Variants in ECPAS observed in about 807,000 individuals in gnomAD.
ECPAS encodes proteasome adapter and scaffold protein ECM29.
Under a neutral mutation model 255.1 loss-of-function variants are expected in ECPAS, and 70 were observed. The observed-to-expected ratio is 0.27, with a 90% CI of 0.23 to 0.33. ECPAS has a LOEUF of 0.33. ECPAS is among the 10% of genes least tolerant of loss of function. The pLI, the probability that ECPAS is intolerant of heterozygous loss-of-function variation, is 1.00. For missense variants in ECPAS, 1,817 were observed against 2,206.4 expected, an observed-to-expected ratio of 0.82 and a Z score of 3.54; for synonymous variants, 784 against 775.0, an observed-to-expected ratio of 1.01 and a Z score of -0.19.
At position 111,411,863 on chromosome 9, in the gene ECPAS, T is replaced by C. The variant is rs1564526763; in HGVS notation, c.2214+151A>G. On this transcript the variant is annotated intron_variant, in intron 21 of 49. Coordinates refer to ENST00000684092, the MANE Select transcript of ECPAS (RefSeq NM_001364929.1). ...CTGTTAAGTGAGCTGACTGAACCAA[T>C]GTATCACCTATCTCATTTACTCTTT... 4 of 627,960 alleles carry C rather than the reference T, an allele frequency of 6.4e-6. No individual in the cohort carries two copies. The East Asian group carries it at 9.5e-5, about 15-fold the overall frequency. 38.9% of individuals were successfully genotyped at this position (627,960 alleles called of 1,614,324 possible).
chr9:111,389,623 T>A lies in ECPAS; in HGVS notation c.3380A>T (p.Asp1127Val). 6.2e-7 allele frequency: 1 copy of A among 1,613,814 alleles called. No homozygotes were observed. Among genetic ancestry groups the A allele is most frequent in the Non-Finnish European group, 8.5e-7 (1 of 1,179,840 alleles). Residue 1127 changes from aspartate (D) to valine (V), a missense_variant, in exon 31 of 50, where the codon GAT becomes GTT. Asp to Val is a radical substitution (Grantham distance 152). Around this residue, in one of 4 missense-constraint regions of ECPAS, gnomAD observed 960 missense variants for 1,179.0 expected, o/e 0.81. Transcript: ENST00000684092. Reference sequence around the variant, plus strand: ...GGCCTGTCGAATGCCAAGGTTGGGATCAAACTGGTAACGATAAAGTCGAGG... The same window carrying A: ...GGCCTGTCGAATGCCAAGGTTGGGAACAAACTGGTAACGATAAAGTCGAGG... ...LVPRLYRYQF[D>V]PNLGIRQAMT... is the part of the protein sequence containing the mutation.
intron 2 of ECPAS, among the ~76,000 whole-genome samples, chr9:111,470,789 G>C (rs902724101): frequency 1.4e-5 from 1 of 73,116 alleles, no homozygotes; most frequent in African/African-American, 5.5e-5. Context: ...CACACACACA[G>C]AGGAAGGGGA....
chr9:111,463,418 C>A (rs977482012), intron 2 of ECPAS, among the ~76,000 whole-genome samples: 1 of 152,130 alleles, frequency 6.6e-6, no homozygotes, highest in African/African-American at 2.4e-5. Context: ...AAGCCCCCAA[C>A]AGTCAAACAT....
intron 2 of ECPAS, among the ~76,000 whole-genome samples, chr9:111,461,892 A>C (rs2098273617): frequency 1.3e-5 from 2 of 152,192 alleles, no homozygotes; most frequent in Admixed American, 1.3e-4. Flanking sequence ...GACAGCTTGT[A>C]CAGGCAAACT....
In ECPAS at chr9:111,363,330, C is replaced by T. The variant is rs3780521; in HGVS notation, c.5380+258G>A. Among the ~76,000 whole-genome samples the T allele has an allele frequency of 1.8e-4, 28 of 152,088 alleles. No homozygotes were observed. The East Asian group carries it at 4.4e-3, about 24-fold the overall frequency. On this transcript the variant is annotated intron_variant, in intron 49 of 49. Coordinates refer to ENST00000684092, the MANE Select transcript of ECPAS (RefSeq NM_001364929.1). ...TTAACCAAGATTAAATCAGGATTCA[C>T]GATGAAAACAAAAACTTTATTACTT...
intron 39 of ECPAS, among the ~76,000 whole-genome samples, chr9:111,373,742 T>TTA (rs1350071868): frequency 6.6e-6 from 1 of 152,178 alleles, no homozygotes; most frequent in Non-Finnish European, 1.5e-5. Flanking sequence ...TTTTACCTCC[T>TTA]TATACCACTA....
chr9:111,383,409 T>C, intron 34 of ECPAS, 77 bp from the exon 35 acceptor site: 9 of 1,496,276 alleles, frequency 6.0e-6, no homozygotes, highest in Non-Finnish European at 8.1e-6. Flanking sequence ...AAAGACTTTC[T>C]ACTTCACATA....
chr9:111,458,588 G>A (rs1008658299), intron 2 of ECPAS, among the ~76,000 whole-genome samples: 3 of 145,560 alleles, frequency 2.1e-5, no homozygotes, highest in African/African-American at 7.5e-5. Flanking sequence ...CATCTTGCAG[G>A]TTTTCAGCCA....
Position 111,408,635 on chromosome 9 carries a change from G to A in ECPAS, c.2588C>T (p.Pro863Leu). 1 of 1,593,500 alleles carries A rather than the reference G, an allele frequency of 6.3e-7. No individual in the cohort carries two copies. Among genetic ancestry groups the A allele is most frequent in the South Asian group, 1.2e-5 (1 of 86,868 alleles). The part of the protein sequence containing the change: ...ERAIQTLGYF[P>L]VGDGDFPHQK... ...GTGAGGAAAATCTCCATCCCCAACT[G>A]GAAAATATCCCAGTGTTTGGATTGC... The change falls in exon 24 of 50, where the codon CCA becomes CTA. Residue 863 changes from proline to leucine, a missense_variant. Around this residue, in one of 4 missense-constraint regions of ECPAS, gnomAD observed 960 missense variants for 1,179.0 expected, o/e 0.81. Coordinates refer to ENST00000684092, the MANE Select transcript of ECPAS (RefSeq NM_001364929.1).
At chr9:111,396,763 G>C (rs2098168240) in intron 25 of ECPAS, among the ~76,000 whole-genome samples, 1 of 152,038 alleles carries the variant, frequency 6.6e-6, no homozygotes, top group Non-Finnish European at 1.5e-5. Flanking sequence ...TGTTAGCCAG[G>C]CTGGTCTCTA....
intron 2 of ECPAS, among the ~76,000 whole-genome samples, chr9:111,459,031 G>A (rs563078886): frequency 6.6e-6 from 1 of 152,232 alleles, no homozygotes; most frequent in East Asian, 1.9e-4. Flanking sequence ...GGTGGCTCTG[G>A]GATAACAGGA....
At chr9:111,477,502 C>G (rs1468134372) in intron 1 of ECPAS, among the ~76,000 whole-genome samples, 1 of 152,076 alleles carries the variant, frequency 6.6e-6, no homozygotes, top group East Asian at 1.9e-4. Context: ...AGAAGGTTCT[C>G]TCTGGATACT....
At chr9:111,393,346 G>A (rs2098163024) in intron 27 of ECPAS, among the ~76,000 whole-genome samples, 1 of 152,156 alleles carries the variant, frequency 6.6e-6, no homozygotes, top group Non-Finnish European at 1.5e-5. Context: ...GCTTAAATCA[G>A]AGAGGAAAAG....
intron 1 of ECPAS, 183 bp downstream of exon 1, chr9:111,483,933 G>A: frequency 1.2e-6 from 1 of 828,830 alleles, no homozygotes; most frequent in Non-Finnish European, 1.5e-6. Flanking sequence ...CCCCCCGCCG[G>A]GCCCCTCGCG....
At chr9:111,441,337 C>T (rs2098245744) in intron 5 of ECPAS, among the ~76,000 whole-genome samples, 1 of 151,954 alleles carries the variant, frequency 6.6e-6, no homozygotes, top group Admixed American at 6.6e-5. Context: ...AACCCCATCT[C>T]TTCTAAAAAT....
At position 111,383,411 on chromosome 9, in the gene ECPAS, C is replaced by T. The variant is rs145315544; in HGVS notation, c.3682-79G>A. The stretch of plus-strand genomic sequence containing the variant: ...AATTCATCTGACAAAAGACTTTCTA[C>T]TTCACATATCTACAGGGAAGAATAA... On this transcript the variant is annotated intron_variant, in intron 34 of 49. Coordinates refer to ENST00000684092, the MANE Select transcript of ECPAS (RefSeq NM_001364929.1). The T allele has an allele frequency of 1.7e-4, 252 of 1,487,666 alleles. 2 individuals carry two copies. In the East Asian group the frequency reaches 5.9e-3, roughly 35 times the overall value. 92.2% of individuals were successfully genotyped at this position (1,487,666 alleles called of 1,614,324 possible).
intron 3 of ECPAS, among the ~76,000 whole-genome samples, chr9:111,447,714 T>C (rs2098255166): frequency 6.6e-6 from 1 of 151,938 alleles, no homozygotes; most frequent in South Asian, 2.1e-4. Context: ...CATGCACAAA[T>C]AAAAATGCTA....
chr9:111,480,168 G>A (rs2098302371), intron 1 of ECPAS, among the ~76,000 whole-genome samples: 1 of 151,536 alleles, frequency 6.6e-6, no homozygotes, highest in Non-Finnish European at 1.5e-5. Context: ...TAAAATGTTA[G>A]TGGAAGAGAA....
intron 1 of ECPAS, among the ~76,000 whole-genome samples, chr9:111,478,224 G>A (rs1589245627): frequency 6.6e-6 from 1 of 151,082 alleles, no homozygotes; most frequent in Non-Finnish European, 1.5e-5. Flanking sequence ...ATGCTCAATG[G>A]TATTACTCAA....
Sources: gnomAD v4.1 joint callset for allele counts (sites outside exome capture counted in the v4.1 genomes callset) on GRCh38, gnomAD v4.1.1 for gene constraint, gnomAD v4.1.1 regional missense constraint, MANE v1.5 for transcripts, NCBI Gene and HGNC (gene_info 2026-07-23, HGNC 2026-07-21) for gene names.